Variants in HOMER3 observed in about 807,000 individuals in gnomAD.
HOMER3 encodes the protein homer scaffold protein 3, also known as homer protein homolog 3.
HOMER3 carries 34 observed loss-of-function variants against 45.5 expected under a neutral mutation model. The ratio of observed to expected loss-of-function variants is 0.75; its 90% CI spans 0.57 to 1.00. HOMER3 has a LOEUF of 1.00. Ranked by LOEUF, HOMER3 falls within the 50% of genes least tolerant of loss-of-function variation. The pLI, the probability that HOMER3 is intolerant of heterozygous loss-of-function variation, is 0.00. For synonymous variants in HOMER3, 223 were observed against 208.8 expected, an observed-to-expected ratio of 1.07 and a Z score of -0.58; for missense variants, 480 against 497.5, an observed-to-expected ratio of 0.96 and a Z score of 0.33.
intron 1 of HOMER3, chr19:18,940,141 C>T (rs2057139091): frequency 6.5e-6 from 1 of 152,694 alleles, no homozygotes; most frequent in African/African-American, 2.4e-5. Context: ...CAGCTGCTGT[C>T]CTGGTCACAG....
chr19:18,935,248 T>A (rs2057080056), intron 4 of HOMER3, among the ~76,000 whole-genome samples: 2 of 151,576 alleles, frequency 1.3e-5, no homozygotes, highest in South Asian at 4.2e-4. Flanking sequence ...CAAGCGAGTC[T>A]TCTGCCTCAA....
intron 9 of HOMER3, 124 bp downstream of exon 9, chr19:18,931,201 G>T: frequency 1.3e-6 from 1 of 795,974 alleles, no homozygotes; most frequent in Non-Finnish European, 2.1e-6. Context: ...GCACCTGCTG[G>T]GCATCAGGCC....
intron 4 of HOMER3, among the ~76,000 whole-genome samples, chr19:18,935,358 G>A (rs1158296822): frequency 6.6e-6 from 1 of 151,824 alleles, no homozygotes; most frequent in Non-Finnish European, 1.5e-5. Context: ...TGCTGGTCTC[G>A]AACTCCTGAC....
At chr19:18,932,317 G>A (rs1161552926) in intron 6 of HOMER3, among the ~76,000 whole-genome samples, 185 bp from the exon 7 acceptor site, 1 of 148,862 alleles carries the variant, frequency 6.7e-6, no homozygotes, top group African/African-American at 2.5e-5. Flanking sequence ...GAGTGGCACT[G>A]GGCTGGGGGC....
At chr19:18,931,926 A>C in intron 7 of HOMER3, 50 bp downstream of exon 7, 1 of 1,476,314 alleles carries the variant, frequency 6.8e-7, no homozygotes, top group Non-Finnish European at 9.0e-7. Context: ...CGCGGTCTCC[A>C]CAGTTGCCCG....
rs111356851 is a variant in HOMER3, at chr19:18,934,420, T to C, written c.304-10A>G. ...GGAACTTCTCGGCAAACTAAGGGAGTGGGGAGGAAAAGACAGTAAAACCCC... is the reference window on the plus strand; with the variant it reads ...GGAACTTCTCGGCAAACTAAGGGAGCGGGGAGGAAAAGACAGTAAAACCCC... On this transcript the variant is annotated splice_polypyrimidine_tract_variant and intron_variant, in intron 4 of 9. Coordinates refer to ENST00000392351, the MANE Select transcript of HOMER3 (RefSeq NM_004838.4). 2,173 of 1,551,348 alleles carry C rather than the reference T, an allele frequency of 1.4e-3. 5 individuals are homozygous for C. The highest frequency in any genetic ancestry group is 1.8e-3 in the Non-Finnish European group (2,061 of 1,146,242).
At chr19:18,931,474 G>A in intron 8 of HOMER3, 35 bp downstream of exon 8, 3 of 1,612,162 alleles carry the variant, frequency 1.9e-6, no homozygotes, top group Non-Finnish European at 2.5e-6. Flanking sequence ...GGAGGTGAGG[G>A]AAGGCGAGGC....
rs778176197 is a variant in HOMER3 at position 18,931,374 on chromosome 19, C to A, written c.845G>T (p.Arg282Leu). ...QTLKSQTGGPREALEAAEREE... is the reference protein window; with the variant it reads ...QTLKSQTGGPLEALEAAEREE... ...ACGCTCGGCAGCCTCCAGGGCCTCG[C>A]GGGGCCCCCCAGTCTGACTCTTCAG... The change falls in exon 9 of 10, where the codon CGC (arginine) becomes CTC (leucine). Residue 282 changes from arginine (R) to leucine (L), a missense_variant. Transcript: ENST00000392351. 6.2e-7 allele frequency: 1 copy of A among 1,614,008 alleles called. No homozygotes were observed. Among genetic ancestry groups the A allele is most frequent in the African/African-American group, 1.3e-5 (1 of 74,928 alleles).
chr19:18,929,716 A>G (rs920084617), intron 9 of HOMER3, 82 bp from the exon 10 acceptor site: 1 of 1,205,422 alleles, frequency 8.3e-7, no homozygotes. Context: ...GACCACCTTC[A>G]TGTCCCTCTT....
chr19:18,931,684 A>G, intron 7 of HOMER3, 59 bp from the exon 8 acceptor site: 1 of 1,534,590 alleles, frequency 6.5e-7, no homozygotes, highest in African/African-American at 1.4e-5. Context: ...TTGCTCGCCC[A>G]ACCTCTAGGG....
chr19:18,930,826 G>GTGAAACCC (rs930492429), intron 9 of HOMER3, among the ~76,000 whole-genome samples: 15 of 152,112 alleles, frequency 9.9e-5, no homozygotes, highest in African/African-American at 3.4e-4. Context: ...GGCCAACATG[G>GTGAAACCC]TGAAACCCTG....
In HOMER3 at chr19:18,929,530, G is replaced by A. The variant is rs748299764; in HGVS notation, c.999C>T (p.Gly333=). Residue 333 remains glycine (G), a synonymous_variant, in exon 10 of 10, where the codon GGC becomes GGT. Coordinates refer to ENST00000392351, the MANE Select transcript of HOMER3 (RefSeq NM_004838.4). The part of the protein sequence containing the change: ...AERERARAEV[G]RAAQLLDVSL... ...TGACGTCCAGCAGCTGCGCTGCCCGGCCCACCTCAGCCCGCGCCCGCTCCC... is the reference window on the plus strand; with the variant it reads ...TGACGTCCAGCAGCTGCGCTGCCCGACCCACCTCAGCCCGCGCCCGCTCCC... 8 of 1,563,530 alleles carry A rather than the reference G, an allele frequency of 5.1e-6. No homozygotes were observed. In the East Asian group the frequency reaches 1.9e-4, roughly 37 times the overall value.
chr19:18,940,079 C>G, intron 1 of HOMER3: 1 of 152,930 alleles, frequency 6.5e-6, no homozygotes, highest in South Asian at 2.1e-4. Flanking sequence ...GAGGCCCTGG[C>G]CCAGCGGCCT....
At position 18,941,147 on chromosome 19, in the gene HOMER3, G is replaced by A. The variant is rs1204665887; in HGVS notation, c.-164C>T. On this transcript the variant is annotated 5_prime_UTR_variant, in exon 1 of 10. Transcript: ENST00000392351. The stretch of plus-strand genomic sequence containing the variant: ...TGCCGGGCGCCCCGCTCGCTCCCTG[G>A]CTCCCGGGCCCGCGCCCTCCGCGCC... The A allele has an allele frequency of 1.3e-5, 2 of 148,874 alleles. No homozygotes were observed. Among genetic ancestry groups the A allele is most frequent in the Non-Finnish European group, 1.5e-5 (1 of 66,556 alleles). The allele number at this position is 148,874 out of a possible 1,614,324, so 9.2% of individuals were successfully genotyped here. A position where few individuals can be genotyped will look rare whatever the true frequency, so the allele number is the denominator to read the frequency against.
intron 4 of HOMER3, among the ~76,000 whole-genome samples, chr19:18,937,824 GCC>G (rs1441183540): frequency 6.6e-6 from 1 of 152,096 alleles, no homozygotes; most frequent in Non-Finnish European, 1.5e-5. Flanking sequence ...AAAGTGCCCA[GCC>G]CAGCCCAGCC....
chr19:18,931,673 C>T (rs976028243), intron 7 of HOMER3, 48 bp from the exon 8 acceptor site: 4 of 1,543,714 alleles, frequency 2.6e-6, no homozygotes, highest in Non-Finnish European at 3.5e-6. Context: ...TGCACTCTCC[C>T]TTGCTCGCCC....
chr19:18,932,251 G>A, intron 6 of HOMER3, 119 bp from the exon 7 acceptor site: 1 of 1,099,680 alleles, frequency 9.1e-7, no homozygotes, highest in Non-Finnish European at 1.2e-6. Flanking sequence ...CAGGGCGAAG[G>A]CTGGCGAGGG....
chr19:18,931,100 G>A (rs995852920), intron 9 of HOMER3: 3 of 514,754 alleles, frequency 5.8e-6, no homozygotes, highest in Non-Finnish European at 1.0e-5. Context: ...GAATTGACGG[G>A]GTCTGGCATG....
At chr19:18,932,249 A>T in intron 6 of HOMER3, 117 bp from the exon 7 acceptor site, 2 of 881,272 alleles carry the variant, frequency 2.3e-6, no homozygotes, top group Non-Finnish European at 1.5e-6. Context: ...GTCAGGGCGA[A>T]GGCTGGCGAG....
Sources: gnomAD v4.1 joint callset for allele counts (sites outside exome capture counted in the v4.1 genomes callset) on GRCh38, gnomAD v4.1.1 for gene constraint, MANE v1.5 for transcripts, NCBI Gene and HGNC (gene_info 2026-07-23, HGNC 2026-07-21) for gene names.